The following SS18 variants were observed in gnomAD, a reference collection of about 807,000 sequenced individuals.
The protein encoded by SS18 is SS18 subunit of BAF chromatin remodeling complex.
Under a neutral mutation model 72.5 loss-of-function variants are expected in SS18, and 28 were observed. That is an observed-to-expected ratio of 0.39 (90% confidence interval 0.29 to 0.53). SS18 has a LOEUF of 0.53. Ranked by LOEUF, SS18 falls within the 20% of genes least tolerant of loss-of-function variation. The probability of loss-of-function intolerance (pLI) is 0.76; values close to 1 mark genes in which losing one functional copy is unlikely to be tolerated. For missense variants in SS18, 518 were observed against 535.3 expected, an observed-to-expected ratio of 0.97 and a Z score of 0.32; for synonymous variants, 172 against 164.2, an observed-to-expected ratio of 1.05 and a Z score of -0.37.
intron 3 of SS18, among the ~76,000 whole-genome samples, chr18:26,061,815 C>T (rs1282852117): frequency 2.0e-5 from 3 of 151,954 alleles, no homozygotes; most frequent in Non-Finnish European, 2.9e-5. Flanking sequence ...AAGAAAATGG[C>T]CCCACATGGA....
chr18:26,079,927 A>G (rs2054485763), intron 2 of SS18, among the ~76,000 whole-genome samples: 1 of 151,784 alleles, frequency 6.6e-6, no homozygotes, highest in Non-Finnish European at 1.5e-5. Context: ...TGTTACAAAC[A>G]ACAGGTTTCA....
intron 6 of SS18, among the ~76,000 whole-genome samples, chr18:26,038,993 T>C (rs759002145): frequency 6.6e-6 from 1 of 151,980 alleles, no homozygotes; most frequent in Non-Finnish European, 1.5e-5. Flanking sequence ...TGAAGTAAAA[T>C]TGGGTTTATT....
chr18:26,071,315 A>G (rs1483925435), intron 3 of SS18, among the ~76,000 whole-genome samples: 1 of 152,206 alleles, frequency 6.6e-6, no homozygotes, highest in Admixed American at 6.5e-5. Flanking sequence ...TAAATTTAAG[A>G]AAACAGAAAT....
At position 26,018,236 on chromosome 18, in the gene SS18, C is replaced by T. The variant is rs1202527189; in HGVS notation, c.*118G>A. The T allele has an allele frequency of 1.0e-5, 9 of 861,840 alleles. No individual in the cohort carries two copies. In the Admixed American group the frequency reaches 2.1e-4, roughly 20 times the overall value. The allele number at this position is 861,840 out of a possible 1,614,324, so 53.4% of individuals were successfully genotyped here. A position where few individuals can be genotyped will look rare whatever the true frequency, so the allele number is the denominator to read the frequency against. The stretch of plus-strand genomic sequence containing the variant: ...TACTGATGAAACAGCCACTTATCCA[C>T]AAGGTTTTTCCAAAAACTAGATGGA... On this transcript the variant is annotated 3_prime_UTR_variant, in exon 11 of 11. Coordinates refer to ENST00000415083, the MANE Select transcript of SS18 (RefSeq NM_001007559.3).
rs538608684 is a variant in SS18, at chr18:26,087,448, A to G, written c.146+53T>C. 1,388 of 1,015,612 alleles carry G rather than the reference A, an allele frequency of 1.4e-3. 2 individuals are homozygous for G. Among genetic ancestry groups the G allele is most frequent in the Non-Finnish European group, 1.8e-3 (1,195 of 660,976 alleles). 62.9% of individuals were successfully genotyped at this position (1,015,612 alleles called of 1,614,324 possible). On this transcript the variant is annotated intron_variant, in intron 2 of 10. Coordinates refer to ENST00000415083, the MANE Select transcript of SS18 (RefSeq NM_001007559.3). The stretch of plus-strand genomic sequence containing the variant: ...AATAAAGCTGTTAGTAAAAAGTAAA[A>G]AATTAACCAATACAAAAAACTGAAT...
intron 4 of SS18, among the ~76,000 whole-genome samples, chr18:26,056,473 G>GT (rs1455987979): frequency 6.6e-6 from 1 of 152,154 alleles, no homozygotes; most frequent in African/African-American, 2.4e-5. Flanking sequence ...TGCCATATAT[G>GT]TTGCAAGCCT....
chr18:26,088,960 G>A (rs1187394733), intron 1 of SS18, among the ~76,000 whole-genome samples: 1 of 151,690 alleles, frequency 6.6e-6, no homozygotes, highest in African/African-American at 2.4e-5. Flanking sequence ...ACCAAAAAAA[G>A]TCCTTAAAAA....
intron 7 of SS18, among the ~76,000 whole-genome samples, chr18:26,037,830 A>G (rs117242139): frequency 0.011 from 1,628 of 152,252 alleles, 14 homozygotes; most frequent in Middle Eastern, 0.02. Flanking sequence ...ATACAGAAAA[A>G]TTGATGAAAC....
intron 10 of SS18, among the ~76,000 whole-genome samples, chr18:26,026,186 G>A (rs2053444090): frequency 6.6e-6 from 1 of 152,062 alleles, no homozygotes; most frequent in Admixed American, 6.5e-5. Context: ...TATAGAGGTG[G>A]GGGGTCTTGC....
At chr18:26,078,014 A>T in intron 3 of SS18, 62 bp downstream of exon 3, 1 of 1,222,376 alleles carries the variant, frequency 8.2e-7, no homozygotes, top group Middle Eastern at 2.3e-4. Context: ...TTCAACAAAA[A>T]TGTGCCATAC....
intron 6 of SS18, 67 bp downstream of exon 6, chr18:26,039,222 A>T: frequency 7.8e-7 from 1 of 1,287,570 alleles, no homozygotes; most frequent in Non-Finnish European, 1.1e-6. Flanking sequence ...TGTCTAGATT[A>T]AAAGGTCATT....
At chr18:26,078,939 T>G (rs1598608754) in intron 2 of SS18, 1 of 152,298 alleles carries the variant, frequency 6.6e-6, no homozygotes, top group South Asian at 2.1e-4. Flanking sequence ...ATTTTCATTT[T>G]GCTAAAAACC....
At position 26,035,860 on chromosome 18, in the gene SS18, T is replaced by C; in HGVS notation, c.944A>G (p.Glu315Gly). ...YPEQGYDRPYEDSSQHYYEGG... is the reference protein window; with the variant it reads ...YPEQGYDRPYGDSSQHYYEGG... ...TTCGTAGTAATGTTGTGAGGAATCCTCATAAGGCCTATCGTAGCCTTGTTC... is the reference window on the plus strand; with the variant it reads ...TTCGTAGTAATGTTGTGAGGAATCCCCATAAGGCCTATCGTAGCCTTGTTC... Residue 315 changes from glutamate (E) to glycine (G), a missense_variant, in exon 8 of 11, where the codon GAG (glutamate) becomes GGG (glycine). Physicochemically the swap from Glu to Gly is moderately conservative, Grantham distance 98 (BLOSUM62 -2). Transcript: ENST00000415083. This position sits in a 1 kb window ranked among gnomAD's most constrained non-coding sequence, Gnocchi z 4.4. 6.2e-7 allele frequency: 1 copy of C among 1,601,692 alleles called. No homozygotes were observed. The highest frequency in any genetic ancestry group is 2.2e-5 in the East Asian group (1 of 44,760).
chr18:26,090,641 G>A, upstream of SS18: 1 of 1,467,158 alleles, frequency 6.8e-7, no homozygotes, highest in South Asian at 1.2e-5. Context: ...AGAGACGCCG[G>A]CCTCTCGGGC....
rs931255637 is a variant in SS18 at position 26,027,300 on chromosome 18, CAT to C, written c.1230+5097_1230+5098del. Reference sequence around the variant, plus strand: ...ACAGAATAGAGTTCAGAAACAGACACATGTTTATGGACAACTGATTTTTTGCA... The same window carrying C: ...ACAGAATAGAGTTCAGAAACAGACACGTTTATGGACAACTGATTTTTTGCA... On this transcript the variant is annotated intron_variant, in intron 10 of 10. Transcript: ENST00000415083. Among the ~76,000 whole-genome samples the C allele has an allele frequency of 2.2e-4, 34 of 152,224 alleles. No homozygotes were observed. In the Middle Eastern group the frequency reaches 0.01, roughly 46 times the overall value.
chr18:26,087,646 C>T (rs2054639857), intron 1 of SS18, 69 bp from the exon 2 acceptor site: 2 of 914,000 alleles, frequency 2.2e-6, no homozygotes, highest in Non-Finnish European at 3.5e-6. Flanking sequence ...CTAGAAAATT[C>T]AGAAAGGGAG....
chr18:26,061,315 AAAAT>A (rs71169808), intron 3 of SS18, among the ~76,000 whole-genome samples: 8,388 of 152,296 alleles, frequency 0.055, 264 homozygotes, highest in East Asian at 0.12. Flanking sequence ...TCCGTCTCAA[AAAAT>A]AAATAAATAA....
intron 9 of SS18, among the ~76,000 whole-genome samples, chr18:26,033,371 G>A (rs1017228612): frequency 7.2e-5 from 11 of 152,000 alleles, no homozygotes; most frequent in Admixed American, 2.6e-4. Flanking sequence ...AAAATTAGCC[G>A]GGTATGGTAG....
chr18:26,065,628 T>A (rs952459688), intron 3 of SS18, among the ~76,000 whole-genome samples: 4 of 151,614 alleles, frequency 2.6e-5, no homozygotes, highest in Non-Finnish European at 5.9e-5. Context: ...TTTAACAGGA[T>A]ACAGAATTAT....
Sources: allele counts gnomAD v4.1 joint callset (sites outside exome capture counted in the v4.1 genomes callset), GRCh38; gene constraint gnomAD v4.1.1; non-coding constraint Gnocchi (gnomAD v3.1); transcripts MANE v1.5; gene names NCBI Gene and HGNC (gene_info 2026-07-23, HGNC 2026-07-21).